Variants in KANK1 observed in about 807,000 individuals in gnomAD.
KANK1 encodes the protein KN motif and ankyrin repeat domains 1.
Under a neutral mutation model 106.2 loss-of-function variants are expected in KANK1, and 109 were observed. The ratio of observed to expected loss-of-function variants is 1.03; its 90% confidence interval spans 0.88 to 1.20. The LOEUF is 1.20. Among genes scored for constraint, KANK1 ranks in the 50% most tolerant of loss-of-function variants. KANK1 has a pLI of 0.00. For missense variants in KANK1, 2,399 were observed against 1,710.7 expected (o/e 1.40, Z -7.10); for synonymous variants, 873 against 652.2 (o/e 1.34, Z -5.16).
chr9:508,727 G>C (rs1200005347), intron 1 of KANK1, among the ~76,000 whole-genome samples: 1 of 147,218 alleles, frequency 6.8e-6, no homozygotes, highest in African/African-American at 2.7e-5. Context: ...TGTGGCTGTA[G>C]TTCAGTTATT....
In KANK1 at chr9:604,619, G is replaced by T. The variant is rs375391287; in HGVS notation, c.-83-72271G>T. Among the ~76,000 whole-genome samples, 13 of 151,646 alleles carry T rather than the reference G, an allele frequency of 8.6e-5. 1 individual carries two copies. Among genetic ancestry groups the T allele is most frequent in the African/African-American group, 2.9e-4 (12 of 41,020 alleles). ...GACCAACGCGGGCAGATCACTTGAG[G>T]TCAGGAGTTCAAGACCAGTCTGGCC... On this transcript the variant is annotated intron_variant, in intron 1 of 11. Transcript: ENST00000382297.
chr9:606,392 A>G (rs548024199), intron 1 of KANK1, among the ~76,000 whole-genome samples: 8 of 147,246 alleles, frequency 5.4e-5, no homozygotes, highest in South Asian at 4.2e-4. Flanking sequence ...CCCCGTCTCT[A>G]CTAAAAATAC....
intron 2 of KANK1, among the ~76,000 whole-genome samples, chr9:701,998 C>G (rs1822796850): frequency 1.3e-5 from 2 of 152,164 alleles, no homozygotes; most frequent in Admixed American, 6.5e-5. Flanking sequence ...TCACAGAGCA[C>G]TAAGTTTTAT....
chr9:489,599 C>G (rs1248985642), intron 3 of KANK1, among the ~76,000 whole-genome samples: 1 of 152,168 alleles, frequency 6.6e-6, no homozygotes, highest in Non-Finnish European at 1.5e-5. Flanking sequence ...AGTCTCTGCC[C>G]TGATCTTAGC....
intron 1 of KANK1, among the ~76,000 whole-genome samples, chr9:668,788 A>T (rs1455296830): frequency 6.6e-6 from 1 of 152,152 alleles, no homozygotes; most frequent in Non-Finnish European, 1.5e-5. Flanking sequence ...CATTTTTTCC[A>T]TAGATCAGGC....
At chr9:478,773 T>A (rs10974740) in intron 3 of KANK1, among the ~76,000 whole-genome samples, 7,837 of 152,308 alleles carry the variant, frequency 0.051, 278 homozygotes, top group South Asian at 0.11. Context: ...AATGTGGATG[T>A]GGAGCCAATG....
rs150304841 is a variant in KANK1 at position 476,025 on chromosome 9, G to A, written c.-362+2752G>A. Among the ~76,000 whole-genome samples, 546 of 149,350 alleles carry A rather than the reference G, an allele frequency of 3.7e-3. 6 individuals are homozygous for A. Among genetic ancestry groups the A allele is most frequent in the African/African-American group, 0.013 (517 of 40,732 alleles). On this transcript the variant is annotated intron_variant, in intron 3 of 15. Coordinates refer to the KANK1 transcript ENST00000382303. The stretch of plus-strand genomic sequence containing the variant: ...CTGCCACCACACCCGGCTAATTTTT[G>A]TATTTTTAACAGAGACAAGTTTTCG...
intron 1 of KANK1, among the ~76,000 whole-genome samples, chr9:655,378 A>C (rs1841917959): frequency 6.6e-6 from 1 of 151,888 alleles, no homozygotes; most frequent in African/African-American, 2.4e-5. Context: ...TCTAAAAAAA[A>C]AAAAAAAAAA....
At chr9:682,279 CAA>C (rs879794761) in intron 2 of KANK1, among the ~76,000 whole-genome samples, 8 of 105,798 alleles carry the variant, frequency 7.6e-5, no homozygotes, top group Admixed American at 1.9e-4. Flanking sequence ...GACTCCGTCT[CAA>C]AAAAAAAAAA....
At chr9:476,846 C>A (rs1041428495) in intron 3 of KANK1, 43 of 152,128 alleles carry the variant, frequency 2.8e-4, no homozygotes, top group African/African-American at 9.9e-4. Flanking sequence ...TTTAAAGTTG[C>A]AGCATTTGAA....
chr9:665,430 C>A (rs1451754533), intron 1 of KANK1, among the ~76,000 whole-genome samples: 1 of 152,158 alleles, frequency 6.6e-6, no homozygotes, highest in Non-Finnish European at 1.5e-5. Flanking sequence ...ACTGTCCTTT[C>A]CCTGTTGCAT....
At chr9:581,406 G>T (rs115572520) in intron 1 of KANK1, among the ~76,000 whole-genome samples, 1 of 152,334 alleles carries the variant, frequency 6.6e-6, no homozygotes, top group African/African-American at 2.4e-5. Flanking sequence ...GAGCCTTCTC[G>T]TAAATCTGTT....
chr9:519,496 A>G (rs2059450667), intron 1 of KANK1, among the ~76,000 whole-genome samples: 2 of 151,794 alleles, frequency 1.3e-5, no homozygotes, highest in Admixed American at 1.3e-4. Context: ...GATTTTCATT[A>G]AGTTCTTTTT....
intron 3 of KANK1, among the ~76,000 whole-genome samples, chr9:723,429 C>T (rs7047065): frequency 0.63 from 95,360 of 151,886 alleles, 30,288 homozygotes; most frequent in Middle Eastern, 0.69. Flanking sequence ...GCGTATACAT[C>T]TACCAAATTC....
At chr9:480,472 C>G (rs1028465020) in intron 3 of KANK1, among the ~76,000 whole-genome samples, 1 of 152,232 alleles carries the variant, frequency 6.6e-6, no homozygotes, top group Non-Finnish European at 1.5e-5. Context: ...GACATGTCCT[C>G]TGCCTAAATA....
intron 1 of KANK1, among the ~76,000 whole-genome samples, chr9:653,565 C>G (rs1480085349): frequency 6.6e-6 from 1 of 152,134 alleles, no homozygotes; most frequent in Non-Finnish European, 1.5e-5. Context: ...AAACCTTTCC[C>G]TTGAACGATG....
chr9:742,033 C>A (rs1166651207), intron 9 of KANK1, among the ~76,000 whole-genome samples, 172 bp from the exon 10 acceptor site: 9 of 152,170 alleles, frequency 5.9e-5, no homozygotes, highest in Non-Finnish European at 1.3e-4. Flanking sequence ...GCTCATAGCT[C>A]ATGGGAAGCT....
rs112698668 is a variant in KANK1 at position 550,836 on chromosome 9, C to T, written c.-84+46082C>T. On this transcript the variant is annotated intron_variant, in intron 1 of 11. Coordinates refer to ENST00000382297, the MANE Select transcript of KANK1 (RefSeq NM_015158.5). Reference sequence around the variant, plus strand: ...CCTATTTCTTTTTCCATTCTTTCTCCGAACTGTCTATACTTTATTAAAGTC... The same window carrying T: ...CCTATTTCTTTTTCCATTCTTTCTCTGAACTGTCTATACTTTATTAAAGTC... 4.8e-3 allele frequency among the ~76,000 whole-genome samples: 723 copies of T among 152,140 alleles called. 5 individuals carry two copies. The highest frequency in any genetic ancestry group is 0.016 in the African/African-American group (672 of 41,510).
In KANK1 at chr9:711,776, G is replaced by A. The variant is rs748791018; in HGVS notation, c.1010G>A (p.Arg337Gln). The A allele has an allele frequency of 1.1e-5, 18 of 1,614,184 alleles. No individual in the cohort carries two copies. In the Admixed American group the frequency reaches 1.3e-4, roughly 12 times the overall value. The change falls in exon 3 of 12, where the codon CGG becomes CAG. Residue 337 changes from arginine to glutamine, a missense_variant. Arg to Gln is a conservative substitution (Grantham distance 43). Coordinates refer to ENST00000382297, the MANE Select transcript of KANK1 (RefSeq NM_015158.5). Reference protein sequence around the residue: ...GNASQLEQLSRARRSGGELYI... With the variant: ...GNASQLEQLSQARRSGGELYI... ...GCCTCCCAGCTGGAACAGCTCTCCC[G>A]GGCCCGAAGAAGTGGCGGGGAATTA... is the stretch of plus-strand genomic sequence containing the variant.
Sources: allele counts gnomAD v4.1 joint callset (sites outside exome capture counted in the v4.1 genomes callset), GRCh38; gene constraint gnomAD v4.1.1; transcripts MANE v1.5; gene names NCBI Gene and HGNC (gene_info 2026-07-23, HGNC 2026-07-21).